ITGBL1: variants seen among roughly 807,000 people sequenced by gnomAD.
ITGBL1 encodes the protein integrin subunit beta like 1, also known as integrin beta-like protein 1.
In ITGBL1, 51 loss-of-function variants were observed where a neutral mutation model predicts 68.5. The observed-to-expected ratio is 0.74, with a 90% confidence interval of 0.59 to 0.94. ITGBL1 has a LOEUF of 0.94. Ranked by LOEUF, ITGBL1 falls within the 40% of genes least tolerant of loss-of-function variation. ITGBL1 has a pLI of 0.00. For missense variants in ITGBL1, 649 were observed against 647.4 expected (o/e 1.00, Z -0.03); for synonymous variants, 209 against 227.3 (o/e 0.92, Z 0.72).
At chr13:101,489,207 G>A (rs920762070) in intron 2 of ITGBL1, among the ~76,000 whole-genome samples, 3 of 152,246 alleles carry the variant, frequency 2.0e-5, no homozygotes, top group African/African-American at 7.2e-5. Flanking sequence ...AAAGGTTACC[G>A]AAATTGTACA....
intron 7 of ITGBL1, among the ~76,000 whole-genome samples, chr13:101,613,316 A>G (rs2031219853): frequency 6.6e-6 from 1 of 152,090 alleles, no homozygotes; most frequent in Non-Finnish European, 1.5e-5. Flanking sequence ...TCATTCATTC[A>G]CCCAGTCAAC....
At chr13:101,614,667 C>T (rs1472161069) in intron 7 of ITGBL1, among the ~76,000 whole-genome samples, 3 of 152,022 alleles carry the variant, frequency 2.0e-5, no homozygotes, top group African/African-American at 4.8e-5. Flanking sequence ...TTCGCAGCTA[C>T]GGTGAGAGGC....
intron 2 of ITGBL1, among the ~76,000 whole-genome samples, chr13:101,467,723 C>T (rs1399688443): frequency 3.9e-5 from 6 of 152,114 alleles, no homozygotes; most frequent in South Asian, 4.1e-4. Context: ...TTAGGTTATA[C>T]GATAAAATCA....
chr13:101,636,599 T>C (rs2032177897), intron 7 of ITGBL1, among the ~76,000 whole-genome samples: 1 of 152,178 alleles, frequency 6.6e-6, no homozygotes, highest in African/African-American at 2.4e-5. Flanking sequence ...TTATTGACTT[T>C]CGTTGGAGAC....
At chr13:101,565,025 T>C (rs888606077) in intron 2 of ITGBL1, among the ~76,000 whole-genome samples, 2 of 152,044 alleles carry the variant, frequency 1.3e-5, no homozygotes, top group African/African-American at 2.4e-5. Flanking sequence ...TGGAACAGTT[T>C]CTCCCTCAGG....
intron 2 of ITGBL1, among the ~76,000 whole-genome samples, chr13:101,499,667 G>A (rs960658715): frequency 4.6e-5 from 7 of 152,162 alleles, no homozygotes; most frequent in Non-Finnish European, 1.0e-4. Flanking sequence ...CCTTTAGTGT[G>A]AGTCACATAG....
At chr13:101,658,191 T>C (rs1189334907) in intron 7 of ITGBL1, among the ~76,000 whole-genome samples, 1 of 152,206 alleles carries the variant, frequency 6.6e-6, no homozygotes, top group Non-Finnish European at 1.5e-5. Flanking sequence ...GGGATAAAGT[T>C]CAACTGCAAT....
chr13:101,588,297 T>TTGGTGTGTGTG (rs1555360537), intron 6 of ITGBL1, among the ~76,000 whole-genome samples: 10 of 149,784 alleles, frequency 6.7e-5, no homozygotes, highest in African/African-American at 2.5e-4. Flanking sequence ...TATTCTTCCA[T>TTGGTGTGTGTG]TGTGTGTGTG....
At chr13:101,548,745 A>T (rs1594883508) in intron 2 of ITGBL1, among the ~76,000 whole-genome samples, 1 of 151,794 alleles carries the variant, frequency 6.6e-6, no homozygotes, top group East Asian at 1.9e-4. Flanking sequence ...AAACAAAAGG[A>T]TTATTAGAAT....
intron 7 of ITGBL1, among the ~76,000 whole-genome samples, chr13:101,619,790 T>C (rs528302543): frequency 6.6e-6 from 1 of 152,326 alleles, no homozygotes; most frequent in East Asian, 1.9e-4. Context: ...AAAAGAATTA[T>C]GTATAAAAGA....
chr13:101,645,659 A>G (rs2032534545), intron 7 of ITGBL1, among the ~76,000 whole-genome samples: 1 of 152,152 alleles, frequency 6.6e-6, no homozygotes, highest in Admixed American at 6.6e-5. Context: ...TGAGCCAGGT[A>G]AGCAGCCAGG....
intron 2 of ITGBL1, among the ~76,000 whole-genome samples, chr13:101,537,309 T>G (rs2049595822): frequency 6.6e-6 from 1 of 151,920 alleles, no homozygotes; most frequent in African/African-American, 2.4e-5. Flanking sequence ...CAAAACAAAT[T>G]TTGGTCAAGT....
rs1457979523 is a variant in ITGBL1 at position 101,604,843 on chromosome 13, GCA to G, written c.1015+6545_1015+6546del. Reference sequence around the variant, plus strand: ...GAAGTTTGTCAGGGACCAGGTGAAGGCAATATATATATATATATATATATATA... The same window carrying G: ...GAAGTTTGTCAGGGACCAGGTGAAGGATATATATATATATATATATATATA... On this transcript the variant is annotated intron_variant, in intron 7 of 10. Coordinates refer to ENST00000376180, the MANE Select transcript of ITGBL1 (RefSeq NM_004791.3). 2.5e-4 allele frequency among the ~76,000 whole-genome samples: 10 copies of G among 39,596 alleles called. No homozygotes were observed. The South Asian group carries it at 9.5e-3, about 38-fold the overall frequency. The allele number at this position is 39,596 out of a possible 152,430, so 26.0% of individuals were successfully genotyped here.
At chr13:101,489,463 C>T (rs561331878) in intron 2 of ITGBL1, among the ~76,000 whole-genome samples, 5 of 152,248 alleles carry the variant, frequency 3.3e-5, no homozygotes, top group South Asian at 2.1e-4. Flanking sequence ...AACCCTTCCT[C>T]GTCTATTAAT....
At chr13:101,683,590 C>T (rs190949387) in intron 7 of ITGBL1, among the ~76,000 whole-genome samples, 23 of 151,988 alleles carry the variant, frequency 1.5e-4, no homozygotes, top group African/African-American at 5.5e-4. Flanking sequence ...GGAACTTACC[C>T]AAGAATTAAA....
chr13:101,688,423 G>T (rs1209448679), intron 7 of ITGBL1, among the ~76,000 whole-genome samples: 8 of 152,104 alleles, frequency 5.3e-5, no homozygotes, highest in Non-Finnish European at 1.0e-4. Flanking sequence ...CAGAGAAAAT[G>T]GTGGTGTGCA....
chr13:101,473,112 A>C (rs1157670922), intron 2 of ITGBL1, among the ~76,000 whole-genome samples: 1 of 152,092 alleles, frequency 6.6e-6, no homozygotes, highest in Non-Finnish European at 1.5e-5. Context: ...GCCAACTAGA[A>C]CCCTCCAATG....
At chr13:101,469,297 G>A (rs76381668) in intron 2 of ITGBL1, among the ~76,000 whole-genome samples, 5,178 of 152,304 alleles carry the variant, frequency 0.034, 296 homozygotes, top group African/African-American at 0.12. Context: ...TGGGTGGACC[G>A]TGGGTCATAA....
At chr13:101,641,032 A>G (rs2032350404) in intron 7 of ITGBL1, among the ~76,000 whole-genome samples, 2 of 152,212 alleles carry the variant, frequency 1.3e-5, no homozygotes, top group Admixed American at 1.3e-4. Context: ...TGCACTGCAG[A>G]ACTTCATGGG....
Sources: gnomAD v4.1 joint callset for allele counts (sites outside exome capture counted in the v4.1 genomes callset) on GRCh38, gnomAD v4.1.1 for gene constraint, MANE v1.5 for transcripts, NCBI Gene and HGNC (gene_info 2026-07-23, HGNC 2026-07-21) for gene names.